The following AP3D1 variants were observed in gnomAD, a reference collection of about 807,000 sequenced individuals.
AP3D1 encodes adaptor related protein complex 3 subunit delta 1, also known as AP-3 complex subunit delta-1.
In AP3D1, 51 loss-of-function variants were observed where a neutral mutation model predicts 147.6. The ratio of observed to expected loss-of-function variants is 0.35; its 90% CI spans 0.28 to 0.44. The LOEUF (loss-of-function observed/expected upper bound fraction) is 0.44. AP3D1 is among the 20% of genes least tolerant of loss of function. The pLI, the probability that AP3D1 is intolerant of heterozygous loss-of-function variation, is 1.00. For synonymous variants in AP3D1, 760 were observed against 663.0 expected (o/e 1.15, Z -2.25); for missense variants, 1,421 against 1,624.2 (o/e 0.87, Z 2.15).
At chr19:2,125,185 C>T (rs879494709) in intron 9 of AP3D1, among the ~76,000 whole-genome samples, 12 of 152,092 alleles carry the variant, frequency 7.9e-5, no homozygotes, top group Non-Finnish European at 2.9e-5. Context: ...AAATGAATAA[C>T]CCTGGACAGA....
chr19:2,140,061 C>G (rs187794154), intron 1 of AP3D1, among the ~76,000 whole-genome samples: 1 of 152,148 alleles, frequency 6.6e-6, no homozygotes, highest in Admixed American at 6.5e-5. Context: ...ATCCTCCAGA[C>G]GGGCTTCAAA....
In AP3D1 at chr19:2,132,552, G is replaced by A. The variant is rs1288740739; in HGVS notation, c.381C>T (p.Asp127=). The part of the protein sequence containing the change: ...RKDLSSPSQY[D]TGVALTGLSC... ...ACAGACCCGTCAGTGCAACACCTGT[G>A]TCGTACTGGCTGGGGCTGCTCAAGT... Residue 127 remains aspartate, a synonymous_variant, in exon 5 of 32, where the codon GAC becomes GAT. Coordinates refer to ENST00000643116, the MANE Select transcript of AP3D1 (RefSeq NM_001261826.3). 2 of 1,610,354 alleles carry A rather than the reference G, an allele frequency of 1.2e-6. No individual in the cohort carries two copies. The highest frequency in any genetic ancestry group is 1.7e-5 in the Admixed American group (1 of 59,952).
chr19:2,126,331 C>T (rs1430337027), intron 9 of AP3D1, among the ~76,000 whole-genome samples: 2 of 152,108 alleles, frequency 1.3e-5, no homozygotes, highest in Admixed American at 6.6e-5. Flanking sequence ...CTGGCCCAGC[C>T]GGAGGTGTGG....
Position 2,101,979 on chromosome 19 carries a change from G to A in AP3D1, c.*194C>T, listed in dbSNP as rs2017966121. 3.5e-6 allele frequency: 2 copies of A among 570,708 alleles called. No homozygotes were observed. The highest frequency in any genetic ancestry group is 3.4e-5 in the Admixed American group (1 of 29,678). The allele number at this position is 570,708 out of a possible 1,614,324, so 35.4% of individuals were successfully genotyped here. On this transcript the variant is annotated 3_prime_UTR_variant, in exon 32 of 32. Transcript: ENST00000643116. ...CTTCTTGCCAAAGAGAATGGGAAGAGTCACAGTAAAAAAGGATGGTCAGAT... is the reference window on the plus strand; with the variant it reads ...CTTCTTGCCAAAGAGAATGGGAAGAATCACAGTAAAAAAGGATGGTCAGAT...
intron 31 of AP3D1, among the ~76,000 whole-genome samples, chr19:2,105,498 C>T (rs953083857): frequency 6.6e-6 from 1 of 152,202 alleles, no homozygotes; most frequent in African/African-American, 2.4e-5. Flanking sequence ...TCCTTTAATT[C>T]GGCCCATCCA....
In AP3D1 at chr19:2,115,314, TCTTCTC is replaced by T. The variant is rs769722214; in HGVS notation, c.2248_2253del (p.Glu750_Lys751del). Reference sequence around the variant, plus strand: ...AGCGAGCTGTGGCGGCGCTTGCCCTTCTTCTCCTTCTCCTTCCTCTTTTTCCTCCTC... The same window carrying T: ...AGCGAGCTGTGGCGGCGCTTGCCCTTCTTCTCCTTCCTCTTTTTCCTCCTC... On this transcript the variant is annotated inframe_deletion, in exon 20 of 32. Transcript: ENST00000643116. 19 of 1,612,016 alleles carry T rather than the reference TCTTCTC, an allele frequency of 1.2e-5. No homozygotes were observed. The highest frequency in any genetic ancestry group is 8.3e-5 in the Admixed American group (5 of 60,010).
chr19:2,110,598 A>G, intron 27 of AP3D1, 109 bp downstream of exon 27: 1 of 1,229,696 alleles, frequency 8.1e-7, no homozygotes, highest in Non-Finnish European at 1.1e-6. Flanking sequence ...GCCTGGGGAC[A>G]AAGGGGACAT....
chr19:2,106,552 C>CA (rs1326197939), intron 31 of AP3D1, among the ~76,000 whole-genome samples: 2 of 149,614 alleles, frequency 1.3e-5, no homozygotes, highest in Non-Finnish European at 3.0e-5. Context: ...GTTTCCAAAA[C>CA]AAAAAAATAA....
chr19:2,121,883 CAG>C lies in AP3D1; in HGVS notation c.956-6_956-5del, dbSNP rs1568288243. 9 of 1,601,110 alleles carry C rather than the reference CAG, an allele frequency of 5.6e-6. No individual in the cohort carries two copies. Among genetic ancestry groups the C allele is most frequent in the African/African-American group, 1.4e-5 (1 of 73,990 alleles). Reference sequence around the variant, plus strand: ...GCCAGCAGCCCCAGGTACTTCACTGCAGAGAGAGGCCAGAGCCGGGTCACTGG... The same window carrying C: ...GCCAGCAGCCCCAGGTACTTCACTGCAGAGAGGCCAGAGCCGGGTCACTGG... On this transcript the variant is annotated splice_polypyrimidine_tract_variant and splice_region_variant and intron_variant, in intron 11 of 31. Transcript: ENST00000643116.
chr19:2,115,174 C>A (rs756433148), intron 20 of AP3D1, 45 bp downstream of exon 20: 5 of 1,575,752 alleles, frequency 3.2e-6, no homozygotes, highest in Non-Finnish European at 3.5e-6. Context: ...CACACACATG[C>A]GGAAAGATAG....
intron 9 of AP3D1, among the ~76,000 whole-genome samples, chr19:2,124,934 C>T (rs915313697): frequency 3.3e-5 from 5 of 152,082 alleles, no homozygotes; most frequent in Non-Finnish European, 7.4e-5. Flanking sequence ...AGAGAAACTC[C>T]GCGATCCCCC....
At chr19:2,125,885 G>A (rs2018741815) in intron 9 of AP3D1, among the ~76,000 whole-genome samples, 1 of 151,638 alleles carries the variant, frequency 6.6e-6, no homozygotes, top group East Asian at 1.9e-4. Flanking sequence ...AGTAACTCAG[G>A]CCTGTAATCC....
At position 2,101,894 on chromosome 19, in the gene AP3D1, C is replaced by G. The variant is rs537645905; in HGVS notation, c.*279G>C. The G allele has an allele frequency of 2.5e-4, 106 of 428,104 alleles. 1 individual carries two copies. The East Asian group carries it at 4.2e-3, about 17-fold the overall frequency. The allele number at this position is 428,104 out of a possible 1,614,324, so 26.5% of individuals were successfully genotyped here. On this transcript the variant is annotated 3_prime_UTR_variant, in exon 32 of 32. Transcript: ENST00000643116. ...ACATTCAAGGACTCGGCCCCCAGCG[C>G]GGGGCAGGGCACAGACCCAGGTGGG...
At chr19:2,106,949 T>C (rs2018126609) in intron 31 of AP3D1, among the ~76,000 whole-genome samples, 1 of 151,926 alleles carries the variant, frequency 6.6e-6, no homozygotes, top group African/African-American at 2.4e-5. Context: ...AGGAGAAAAC[T>C]GAACATTAGG....
At position 2,101,156 on chromosome 19, in the gene AP3D1, T is replaced by G. The variant is rs2017940383; in HGVS notation, c.*1017A>C. The G allele has an allele frequency of 6.6e-6, 1 of 152,628 alleles. No individual in the cohort carries two copies. Among genetic ancestry groups the G allele is most frequent in the Admixed American group, 6.5e-5 (1 of 15,282 alleles). 9.5% of individuals were successfully genotyped at this position (152,628 alleles called of 1,614,324 possible). A position where few individuals can be genotyped will look rare whatever the true frequency, so the allele number is the denominator to read the frequency against. ...CACTGCATGGGATTCTGTAATGGAT[T>G]ACATGCTAAAGTGACAGTTTTCATC... On this transcript the variant is annotated 3_prime_UTR_variant, in exon 32 of 32. Transcript: ENST00000643116.
rs372262269 is a variant in AP3D1 at position 2,129,185 on chromosome 19, G to A, written c.733-22C>T. On this transcript the variant is annotated intron_variant, in intron 7 of 31. Coordinates refer to ENST00000643116, the MANE Select transcript of AP3D1 (RefSeq NM_001261826.3). ...CGAACTGTGGGGACAGCAGGGCCTC[G>A]GTCACCCGCAGGGAATGCCCCACGC... The A allele has an allele frequency of 1.6e-4, 251 of 1,606,010 alleles. 1 individual carries two copies. Among genetic ancestry groups the A allele is most frequent in the South Asian group, 4.6e-4 (41 of 90,052 alleles).
chr19:2,104,082 A>AC (rs2018035010), intron 31 of AP3D1, among the ~76,000 whole-genome samples: 2 of 151,118 alleles, frequency 1.3e-5, no homozygotes, highest in Non-Finnish European at 3.0e-5. Flanking sequence ...CAAGACACCA[A>AC]CACCCAGACC....
At chr19:2,125,796 A>G (rs976246572) in intron 9 of AP3D1, among the ~76,000 whole-genome samples, 2 of 151,884 alleles carry the variant, frequency 1.3e-5, no homozygotes, top group Non-Finnish European at 2.9e-5. Flanking sequence ...CCTTAAAAAT[A>G]TACCATTTTT....
exon 1 of AP3D1, chr19:2,164,381 C>G (rs1599515818): frequency 1.5e-5 from 9 of 597,394 alleles, no homozygotes; most frequent in South Asian, 8.1e-5. Context: ...AACGGAGACC[C>G]TGGACTCCAC....
Sources: allele counts gnomAD v4.1 joint callset (sites outside exome capture counted in the v4.1 genomes callset), GRCh38; gene constraint gnomAD v4.1.1; transcripts MANE v1.5; gene names NCBI Gene and HGNC (gene_info 2026-07-23, HGNC 2026-07-21).